The following CACNA2D2 variants were observed in gnomAD, a reference collection of about 807,000 sequenced individuals.
The protein encoded by CACNA2D2 is calcium voltage-gated channel auxiliary subunit alpha2delta 2.
CACNA2D2 carries 48 observed loss-of-function variants against 166.4 expected under a neutral mutation model. The observed-to-expected ratio is 0.29, with a 90% CI of 0.23 to 0.37. The LOEUF is 0.37. Ranked by LOEUF, CACNA2D2 falls within the 10% of genes least tolerant of loss-of-function variation. The pLI is 1.00. For missense variants in CACNA2D2, 1,122 were observed against 1,433.0 expected, an observed-to-expected ratio of 0.78 and a Z score of 3.50; for synonymous variants, 561 against 573.7, an observed-to-expected ratio of 0.98 and a Z score of 0.32.
chr3:50,433,127 G>A (rs369789148), intron 3 of CACNA2D2, among the ~76,000 whole-genome samples: 2 of 152,122 alleles, frequency 1.3e-5, no homozygotes, highest in African/African-American at 4.8e-5. Flanking sequence ...TCATCACTCC[G>A]AAAAAGAAAC....
chr3:50,490,086 G>A (rs1231984303), intron 1 of CACNA2D2, among the ~76,000 whole-genome samples: 1 of 152,140 alleles, frequency 6.6e-6, no homozygotes, highest in Non-Finnish European at 1.5e-5. Flanking sequence ...GCTGTGGAGT[G>A]GGCGGCAGGG....
chr3:50,433,352 T>G (rs1309214442), intron 3 of CACNA2D2, among the ~76,000 whole-genome samples: 1 of 152,064 alleles, frequency 6.6e-6, no homozygotes, highest in Non-Finnish European at 1.5e-5. Context: ...ATTCCGTTTT[T>G]TTTGTTGTTT....
Position 50,364,877 on chromosome 3 carries a change from CCT to C in CACNA2D2, c.3291+9_3291+10del. The C allele has an allele frequency of 6.2e-7, 1 of 1,613,406 alleles. No individual in the cohort carries two copies. ...CCGCGGGATTTCGGGTCCACCGCCCCCTCTCCTCACTGTCGCGTTGTAGTCGA... is the reference window on the plus strand; with the variant it reads ...CCGCGGGATTTCGGGTCCACCGCCCCCTCCTCACTGTCGCGTTGTAGTCGA... On this transcript the variant is annotated intron_variant, in intron 37 of 37. Transcript: ENST00000424201.
chr3:50,420,812 GC>G (rs1364334985), intron 3 of CACNA2D2, among the ~76,000 whole-genome samples: 9 of 152,196 alleles, frequency 5.9e-5, no homozygotes, highest in Non-Finnish European at 7.4e-5. Context: ...TGGCGTCCTG[GC>G]CCCCTCACCC....
At position 50,377,480 on chromosome 3, in the gene CACNA2D2, G is replaced by T. The variant is rs1354543065; in HGVS notation, c.1613C>A (p.Thr538Asn). The change falls in exon 17 of 38, where the codon ACC becomes AAC. Residue 538 changes from threonine (T) to asparagine (N), a missense_variant. By Grantham distance (65) the Thr-to-Asn change is moderately conservative. Around this residue, in one of 2 missense-constraint regions of CACNA2D2, gnomAD observed 840 missense variants for 1,166.8 expected, o/e 0.72. Coordinates refer to ENST00000424201, the MANE Select transcript of CACNA2D2 (RefSeq NM_006030.4). The part of the protein sequence containing the change: ...DVALNDIKRL[T>N]PNYTLGANGY... ...GGGGATGCTCACCGTGTAGTTGGGGGTCAGCCTCTTGATGTCATTCAGAGC... is the reference window on the plus strand; with the variant it reads ...GGGGATGCTCACCGTGTAGTTGGGGTTCAGCCTCTTGATGTCATTCAGAGC... The T allele has an allele frequency of 6.2e-7, 1 of 1,612,840 alleles. No individual in the cohort carries two copies. The highest frequency in any genetic ancestry group is 1.3e-5 in the African/African-American group (1 of 74,912).
At chr3:50,502,797 T>C (rs962977873) in intron 1 of CACNA2D2, among the ~76,000 whole-genome samples, 1 of 152,252 alleles carries the variant, frequency 6.6e-6, no homozygotes, top group African/African-American at 2.4e-5. Flanking sequence ...AAGCGCCGGA[T>C]TCCCACCAGG....
chr3:50,364,738 T>C lies in CACNA2D2; in HGVS notation c.3360A>G (p.Gln1120=), dbSNP rs769485819. The C allele has an allele frequency of 2.6e-6, 4 of 1,561,744 alleles. No individual in the cohort carries two copies. In the South Asian group the frequency reaches 4.7e-5, roughly 18 times the overall value. The change falls in exon 38 of 38, where the codon CAA becomes CAG. Residue 1120 remains glutamine (Q), a synonymous_variant. Coordinates refer to ENST00000424201, the MANE Select transcript of CACNA2D2 (RefSeq NM_006030.4). ...GCGGCAGGCCCAGGAGGAGCAGCAG[T>C]TGCAGGGAGACCAGGACGCCCAGCG... The part of the protein sequence containing the change: ...PPSLGVLVSL[Q]LLLLLGLPPR...
intron 4 of CACNA2D2, among the ~76,000 whole-genome samples, chr3:50,388,283 G>A (rs1303935691): frequency 6.6e-6 from 1 of 152,218 alleles, no homozygotes; most frequent in African/African-American, 2.4e-5. Context: ...AATTTCATGT[G>A]TAATGATCTT....
At chr3:50,378,865 C>T (rs1178434149) in intron 13 of CACNA2D2, 50 bp downstream of exon 13, 1 of 1,609,382 alleles carries the variant, frequency 6.2e-7, no homozygotes, top group African/African-American at 1.3e-5. Flanking sequence ...ACGCAATCGA[C>T]AAAAAGAAAT....
intron 1 of CACNA2D2, among the ~76,000 whole-genome samples, chr3:50,486,679 G>A (rs1698295160): frequency 6.6e-6 from 1 of 152,100 alleles, no homozygotes; most frequent in African/African-American, 2.4e-5. Context: ...GCTTTCCTAG[G>A]TTTCCCCTAC....
In CACNA2D2 at chr3:50,415,457, C is replaced by T. The variant is rs138463073; in HGVS notation, c.405+18856G>A. 6.7e-3 allele frequency among the ~76,000 whole-genome samples: 1,024 copies of T among 152,318 alleles called. 18 individuals carry two copies. Among genetic ancestry groups the T allele is most frequent in the Non-Finnish European group, 7.3e-3 (499 of 68,028 alleles). ...GAAGGACACAGACCTGGACTGCTAA[C>T]GGTCCTGTCACCTATGAGAGCCGCT... On this transcript the variant is annotated intron_variant, in intron 3 of 37. Transcript: ENST00000424201.
chr3:50,417,635 GCCT>G (rs201351342), intron 3 of CACNA2D2, among the ~76,000 whole-genome samples: 1,559 of 152,096 alleles, frequency 0.01, 36 homozygotes, highest in African/African-American at 0.035. Flanking sequence ...AGGAAGGCAT[GCCT>G]CCTCCTCCTC....
At chr3:50,407,240 T>C (rs1309552537) in intron 3 of CACNA2D2, among the ~76,000 whole-genome samples, 1 of 151,812 alleles carries the variant, frequency 6.6e-6, no homozygotes, top group African/African-American at 2.4e-5. Context: ...ACTGTACCAT[T>C]AGGGACAGAG....
At position 50,376,315 on chromosome 3, in the gene CACNA2D2, C is replaced by T. The variant is rs1704989551; in HGVS notation, c.1627-127G>A. The T allele has an allele frequency of 4.1e-6, 4 of 969,922 alleles. No individual in the cohort carries two copies. Among genetic ancestry groups the T allele is most frequent in the Non-Finnish European group, 6.1e-6 (4 of 651,130 alleles). 60.1% of individuals were successfully genotyped at this position (969,922 alleles called of 1,614,324 possible). ...CTGTTTGCCTGCCTTGGGCTAAGGG[C>T]CCCCCCATGCCACGTGGCCCTAAGC... On this transcript the variant is annotated intron_variant, in intron 17 of 37. Coordinates refer to ENST00000424201, the MANE Select transcript of CACNA2D2 (RefSeq NM_006030.4). This position sits in a 1 kb window ranked among gnomAD's most constrained non-coding sequence, Gnocchi z 4.3.
rs1342232643 is a variant in CACNA2D2, at chr3:50,374,788, T to C, written c.1933A>G (p.Ser645Gly). 6.3e-7 allele frequency: 1 copy of C among 1,596,212 alleles called. No individual in the cohort carries two copies. Among genetic ancestry groups the C allele is most frequent in the Non-Finnish European group, 8.5e-7 (1 of 1,172,438 alleles). ...YSLGLVLPPY[S>G]TFYLQANLSD... is the part of the protein sequence containing the mutation. ...AGATTGGCTTGGAGGTAGAAGGTGCTGTAGGGTGGGAGCACCAGCCCCAGG... is the reference window on the plus strand; with the variant it reads ...AGATTGGCTTGGAGGTAGAAGGTGCCGTAGGGTGGGAGCACCAGCCCCAGG... The change falls in exon 22 of 38, where the codon AGC becomes GGC. Residue 645 changes from serine to glycine, a missense_variant. Ser to Gly is a moderately conservative substitution (Grantham distance 56). Around this residue, in one of 2 missense-constraint regions of CACNA2D2, gnomAD observed 840 missense variants for 1,166.8 expected, o/e 0.72. Transcript: ENST00000424201.
In CACNA2D2 at chr3:50,376,244, G is replaced by GC. The variant is rs954116006; in HGVS notation, c.1627-57dup. ...GGAGGGATGGGCTGGGGTTCCCTGG[G>GC]CTCCGGAGTTCTTCCCTATTTGGCC... is the stretch of plus-strand genomic sequence containing the variant. On this transcript the variant is annotated intron_variant, in intron 17 of 37. Coordinates refer to ENST00000424201, the MANE Select transcript of CACNA2D2 (RefSeq NM_006030.4). The surrounding 1 kb of genome is among the most constrained non-coding windows in gnomAD (Gnocchi z 4.3). The GC allele has an allele frequency of 4.5e-6, 7 of 1,571,040 alleles. No homozygotes were observed. The highest frequency in any genetic ancestry group is 6.1e-6 in the Non-Finnish European group (7 of 1,145,920).
chr3:50,436,790 T>C (rs1024191655), intron 2 of CACNA2D2, among the ~76,000 whole-genome samples: 2 of 152,218 alleles, frequency 1.3e-5, no homozygotes, highest in Admixed American at 1.3e-4. Flanking sequence ...TCCAAAGCCA[T>C]CGGCTCCATT....
intron 22 of CACNA2D2, among the ~76,000 whole-genome samples, chr3:50,370,997 C>T (rs1230986187): frequency 2.6e-5 from 4 of 151,974 alleles, no homozygotes; most frequent in South Asian, 2.1e-4. Context: ...AGAGACGGGT[C>T]GGGGCAGCTG....
At chr3:50,425,072 TC>T (rs2106854657) in intron 3 of CACNA2D2, among the ~76,000 whole-genome samples, 1 of 152,138 alleles carries the variant, frequency 6.6e-6, no homozygotes, top group South Asian at 2.1e-4. Context: ...GACTGGCCGC[TC>T]CCAGGGCCAT....
Sources: gnomAD v4.1 joint callset for allele counts (sites outside exome capture counted in the v4.1 genomes callset) on GRCh38, gnomAD v4.1.1 for gene constraint, gnomAD v4.1.1 regional missense constraint, Gnocchi (gnomAD v3.1) non-coding constraint, MANE v1.5 for transcripts, NCBI Gene and HGNC (gene_info 2026-07-23, HGNC 2026-07-21) for gene names.